Variants in ABHD2 observed in about 807,000 individuals in gnomAD.
ABHD2 encodes the protein abhydrolase domain containing 2, acylglycerol lipase.
A neutral mutation model predicts 48.1 loss-of-function variants in ABHD2; 20 were observed. That is an observed-to-expected ratio of 0.42 (90% CI 0.29 to 0.60). ABHD2 has a LOEUF of 0.60. Among genes scored for constraint, ABHD2 ranks in the 20% least tolerant of loss-of-function variants. The probability of loss-of-function intolerance (pLI) is 0.24; values close to 1 mark genes in which losing one functional copy is unlikely to be tolerated. For missense variants in ABHD2, 405 were observed against 550.9 expected (o/e 0.74, Z 2.65); for synonymous variants, 209 against 214.2 (o/e 0.98, Z 0.21).
Position 89,114,514 on chromosome 15 carries a change from G to A in ABHD2, c.-7+690G>A, listed in dbSNP as rs987321007. Among the ~76,000 whole-genome samples, 3 of 152,004 alleles carry A rather than the reference G, an allele frequency of 2.0e-5. No individual in the cohort carries two copies. The highest frequency in any genetic ancestry group is 4.4e-5 in the Non-Finnish European group (3 of 68,006). ...TTTTGTTTTTTTGAGACGGCGTTTC[G>A]CTCTTGTCCCCAGGCTGGAGTGCAG... is the stretch of plus-strand genomic sequence containing the variant. On this transcript the variant is annotated intron_variant, in intron 2 of 10. Coordinates refer to ENST00000352732, the MANE Select transcript of ABHD2 (RefSeq NM_152924.5). This position sits in a 1 kb window ranked among gnomAD's most constrained non-coding sequence, Gnocchi z 4.2.
chr15:89,079,425 T>G, the ABHD2 span, among the ~76,000 whole-genome samples: 2 of 151,920 alleles, frequency 1.3e-5, no homozygotes, highest in African/African-American at 4.9e-5. This position sits in a 1 kb window ranked among gnomAD's most constrained non-coding sequence, Gnocchi z 4.3. Context: ...TTGTGTTTCT[T>G]TCTCCCAGAA....
In ABHD2 at chr15:89,155,135, T is replaced by A. The variant is rs999759099; in HGVS notation, c.371-232T>A. ...AACTTCTATTGTCTTTTCAAAAGTA[T>A]CTGTTCATGACTTACTGGACATTTT... On this transcript the variant is annotated intron_variant, in intron 4 of 10. Coordinates refer to ENST00000352732, the MANE Select transcript of ABHD2 (RefSeq NM_152924.5). The surrounding 1 kb of genome is among the most constrained non-coding windows in gnomAD (Gnocchi z 4.9). Among the ~76,000 whole-genome samples the A allele has an allele frequency of 6.6e-6, 1 of 152,232 alleles. No homozygotes were observed. Among genetic ancestry groups the A allele is most frequent in the Non-Finnish European group, 1.5e-5 (1 of 68,040 alleles).
Position 89,175,746 on chromosome 15 carries a change from A to G in ABHD2, c.539-66A>G. On this transcript the variant is annotated intron_variant, in intron 5 of 10. Coordinates refer to ENST00000352732, the MANE Select transcript of ABHD2 (RefSeq NM_152924.5). This position sits in a 1 kb window ranked among gnomAD's most constrained non-coding sequence, Gnocchi z 5.7. Reference sequence around the variant, plus strand: ...ACTGGCACCCATTTAGTAACGTTCCAGCTTGCATTTTCTCCAGATAGGATG... The same window carrying G: ...ACTGGCACCCATTTAGTAACGTTCCGGCTTGCATTTTCTCCAGATAGGATG... 1 of 1,570,462 alleles carries G rather than the reference A, an allele frequency of 6.4e-7. No individual in the cohort carries two copies. The highest frequency in any genetic ancestry group is 8.7e-7 in the Non-Finnish European group (1 of 1,143,548).
chr15:89,155,595 G>T lies in ABHD2; in HGVS notation c.538+61G>T. 6.4e-7 allele frequency: 1 copy of T among 1,557,098 alleles called. No individual in the cohort carries two copies. Among genetic ancestry groups the T allele is most frequent in the South Asian group, 1.2e-5 (1 of 84,548 alleles). On this transcript the variant is annotated intron_variant, in intron 5 of 10. Transcript: ENST00000352732. This position sits in a 1 kb window ranked among gnomAD's most constrained non-coding sequence, Gnocchi z 4.9. ...CAAGTGTGCTACTACTTCTGCTTCT[G>T]CCTTGTTTTTTCTTTTTTTAAGTTT...
intron 6 of ABHD2, chr15:89,183,384 A>AAAATATATAT (rs61602174): frequency 0.011 from 493 of 46,210 alleles, 18 homozygotes; most frequent in Non-Finnish European, 0.016. Context: ...AAAAAAAAAA[A>AAAATATATAT]ATATATATAT....
chr15:89,116,654 C>T lies in ABHD2; in HGVS notation c.194+133C>T, dbSNP rs183898930. 1 of 946,022 alleles carries T rather than the reference C, an allele frequency of 1.1e-6. No individual in the cohort carries two copies. Among genetic ancestry groups the T allele is most frequent in the Admixed American group, 2.9e-5 (1 of 34,640 alleles). The allele number at this position is 946,022 out of a possible 1,614,324, so 58.6% of individuals were successfully genotyped here. A position where few individuals can be genotyped will look rare whatever the true frequency, so the allele number is the denominator to read the frequency against. ...TATGACGTCACTGGTGTTAAAATAGCCACAGTCTGATTGCAGTCTAGTGTT... is the reference window on the plus strand; with the variant it reads ...TATGACGTCACTGGTGTTAAAATAGTCACAGTCTGATTGCAGTCTAGTGTT... On this transcript the variant is annotated intron_variant, in intron 3 of 10. Transcript: ENST00000352732. This position sits in a 1 kb window ranked among gnomAD's most constrained non-coding sequence, Gnocchi z 4.6.
chr15:89,142,088 C>T lies in ABHD2; in HGVS notation c.195-9589C>T, dbSNP rs1596109165. Reference sequence around the variant, plus strand: ...TTTTATCATCCAAATAAGCCCTGGACGCAGTGGCCAAGGCCCCAGTTGAAG... The same window carrying T: ...TTTTATCATCCAAATAAGCCCTGGATGCAGTGGCCAAGGCCCCAGTTGAAG... On this transcript the variant is annotated intron_variant, in intron 3 of 10. Transcript: ENST00000352732. Among the ~76,000 whole-genome samples, 5 of 152,274 alleles carry T rather than the reference C, an allele frequency of 3.3e-5. 1 individual carries two copies. The highest frequency in any genetic ancestry group is 1.2e-4 in the African/African-American group (5 of 41,554).
At position 89,189,796 on chromosome 15, in the gene ABHD2, C is replaced by T. The variant is rs2051273563; in HGVS notation, c.927-1284C>T. ...TATTGCGGTGTGTGGTAAGAAAAAA[C>T]AAATTAAATTTCCCATTCATCTCCT... is the stretch of plus-strand genomic sequence containing the variant. On this transcript the variant is annotated intron_variant, in intron 8 of 10. Transcript: ENST00000352732. The surrounding 1 kb of genome is among the most constrained non-coding windows in gnomAD (Gnocchi z 4.9). Among the ~76,000 whole-genome samples the T allele has an allele frequency of 6.6e-6, 1 of 152,112 alleles. No homozygotes were observed. The highest frequency in any genetic ancestry group is 2.4e-5 in the African/African-American group (1 of 41,412).
chr15:89,169,235 A>C (rs1256199276), intron 5 of ABHD2, among the ~76,000 whole-genome samples: 1 of 152,226 alleles, frequency 6.6e-6, no homozygotes, highest in African/African-American at 2.4e-5. Context: ...TGGGGTTGAC[A>C]TGGTCCAAAG....
Position 89,155,403 on chromosome 15 carries a change from A to G in ABHD2, c.407A>G (p.Asn136Ser), listed in dbSNP as rs1428468695. Residue 136 changes from asparagine to serine, a missense_variant, in exon 5 of 11, where the codon AAT becomes AGT. Coordinates refer to ENST00000352732, the MANE Select transcript of ABHD2 (RefSeq NM_152924.5). This position sits in a 1 kb window ranked among gnomAD's most constrained non-coding sequence, Gnocchi z 4.9. ...ATGGTCATCTGCCCTGGAATTGCCA[A>G]TCACAGCGAGAAGCAATACATCCGC... ...ITMVICPGIA[N>S]HSEKQYIRTF... 1.2e-6 allele frequency: 2 copies of G among 1,614,172 alleles called. No individual in the cohort carries two copies. Among genetic ancestry groups the G allele is most frequent in the Admixed American group, 3.3e-5 (2 of 60,028 alleles).
At chr15:89,170,080 C>CTTTGTTTTTTTT (rs2050898616) in intron 5 of ABHD2, among the ~76,000 whole-genome samples, 1 of 37,484 alleles carries the variant, frequency 2.7e-5, no homozygotes, top group African/African-American at 7.6e-5. Flanking sequence ...AGATCAGATT[C>CTTTGTTTTTTTT]TTTTTTTTTT....
the ABHD2 span, among the ~76,000 whole-genome samples, chr15:89,069,122 C>CA: frequency 8.0e-6 from 1 of 124,900 alleles, no homozygotes; most frequent in Non-Finnish European, 1.6e-5. Context: ...CTTTTCTTTT[C>CA]TTTTTTTTTT....
chr15:89,062,730 G>A, the ABHD2 span, among the ~76,000 whole-genome samples: 2 of 152,028 alleles, frequency 1.3e-5, no homozygotes, highest in South Asian at 4.1e-4. Context: ...GCCAGGGGTT[G>A]GGGAGTGGTT....
At chr15:89,043,650 AAGG>A in the ABHD2 span, among the ~76,000 whole-genome samples, 502 of 110,968 alleles carry the variant, frequency 4.5e-3, 2 homozygotes, top group Middle Eastern at 6.4e-3. Flanking sequence ...GAGGAAGGAG[AAGG>A]AGGAGGAGGA....
At chr15:89,060,214 C>A in the ABHD2 span, among the ~76,000 whole-genome samples, 2 of 151,184 alleles carry the variant, frequency 1.3e-5, no homozygotes, top group Non-Finnish European at 2.9e-5. Flanking sequence ...TCTCAGCCTC[C>A]CAAGTAGCTC....
chr15:89,076,068 T>C, the ABHD2 span, among the ~76,000 whole-genome samples: 1 of 152,288 alleles, frequency 6.6e-6, no homozygotes, highest in African/African-American at 2.4e-5. Flanking sequence ...GTCCCCTTTC[T>C]CCTTTAGTCC....
At chr15:89,190,811 C>T (rs186133455) in intron 8 of ABHD2, among the ~76,000 whole-genome samples, 7 of 152,226 alleles carry the variant, frequency 4.6e-5, no homozygotes, top group East Asian at 3.9e-4. Flanking sequence ...AGTAAATAAC[C>T]GAAGCAGGAT....
chr15:89,170,077 A>ATTTTTTT (rs1555432359), intron 5 of ABHD2, among the ~76,000 whole-genome samples: 3 of 56,136 alleles, frequency 5.3e-5, no homozygotes, highest in African/African-American at 1.4e-4. Context: ...GTCAGATCAG[A>ATTTTTTT]TTCTTTTTTT....
intron 3 of ABHD2, among the ~76,000 whole-genome samples, chr15:89,150,984 A>T (rs187531061): frequency 9.3e-4 from 142 of 152,348 alleles, no homozygotes; most frequent in African/African-American, 3.0e-3. Flanking sequence ...TTTCCTACCA[A>T]CGCCTAGAGT....
Sources: gnomAD v4.1 joint callset for allele counts (sites outside exome capture counted in the v4.1 genomes callset) on GRCh38, gnomAD v4.1.1 for gene constraint, Gnocchi (gnomAD v3.1) non-coding constraint, MANE v1.5 for transcripts, NCBI Gene and HGNC (gene_info 2026-07-23, HGNC 2026-07-21) for gene names.